GRIP1: variants seen among roughly 807,000 people sequenced by gnomAD.
GRIP1 encodes glutamate receptor-interacting protein 1.
In GRIP1, 45 loss-of-function variants were observed where a neutral mutation model predicts 129.9. The observed-to-expected ratio is 0.35, with a 90% confidence interval of 0.27 to 0.44. The LOEUF is 0.44. GRIP1 is among the 20% of genes least tolerant of loss of function. GRIP1 has a pLI of 1.00. For synonymous variants in GRIP1, 530 were observed against 520.8 expected (o/e 1.02, Z -0.24); for missense variants, 1,196 against 1,396.8 (o/e 0.86, Z 2.29).
intron 15 of GRIP1, among the ~76,000 whole-genome samples, chr12:66,407,184 T>G (rs1565707735): frequency 6.6e-6 from 1 of 152,186 alleles, no homozygotes; most frequent in African/African-American, 2.4e-5. Flanking sequence ...CCTTCCCTTC[T>G]TTTAAGTTAC....
intron 2 of GRIP1, among the ~76,000 whole-genome samples, chr12:66,589,549 T>C (rs2063777798): frequency 6.6e-6 from 1 of 152,168 alleles, no homozygotes; most frequent in East Asian, 1.9e-4. Flanking sequence ...TATTGATGGA[T>C]GCAAGATGAT....
chr12:66,863,162 C>T (rs779344346), intron 1 of GRIP1, among the ~76,000 whole-genome samples: 2 of 152,034 alleles, frequency 1.3e-5, no homozygotes, highest in Non-Finnish European at 2.9e-5. Context: ...AAATTACTTA[C>T]GATTCCCCAA....
rs1439828072 is a variant in GRIP1, at chr12:66,584,314, G to A, written c.136+12533C>T. 1.9e-3 allele frequency among the ~76,000 whole-genome samples: 287 copies of A among 151,992 alleles called. 2 individuals are homozygous for A. The highest frequency in any genetic ancestry group is 6.5e-3 in the African/African-American group (268 of 41,428). On this transcript the variant is annotated intron_variant, in intron 2 of 24. Coordinates refer to ENST00000359742, the MANE Select transcript of GRIP1 (RefSeq NM_001366722.1). ...GGAGATATACCTAATGCTAGATGAC[G>A]AGTTAGTGGGTGCAGCGCACCAGCA... is the stretch of plus-strand genomic sequence containing the variant.
At chr12:66,733,375 C>T (rs2036498829) in intron 1 of GRIP1, among the ~76,000 whole-genome samples, 1 of 152,118 alleles carries the variant, frequency 6.6e-6, no homozygotes, top group Non-Finnish European at 1.5e-5. Context: ...ATGACTAAGT[C>T]ATGGCTAATA....
chr12:66,747,833 T>G (rs1207841249), intron 1 of GRIP1, among the ~76,000 whole-genome samples: 1 of 152,008 alleles, frequency 6.6e-6, no homozygotes, highest in African/African-American at 2.4e-5. Flanking sequence ...GATCTTTAAC[T>G]CCAAAGGGAA....
At chr12:66,986,581 A>G (rs1051193681) in intron 1 of GRIP1, among the ~76,000 whole-genome samples, 1 of 150,248 alleles carries the variant, frequency 6.7e-6, no homozygotes, top group Non-Finnish European at 1.5e-5. Context: ...TGCAAGGACA[A>G]AAAACCAAAC....
upstream of GRIP1, among the ~76,000 whole-genome samples, chr12:66,682,823 A>T (rs1032718696): frequency 1.3e-5 from 2 of 152,206 alleles, no homozygotes; most frequent in Non-Finnish European, 2.9e-5. Context: ...ATATCATTAG[A>T]ATCAATTTGA....
chr12:66,768,557 G>T (rs1353786775), intron 1 of GRIP1, among the ~76,000 whole-genome samples: 1 of 152,184 alleles, frequency 6.6e-6, no homozygotes, highest in Non-Finnish European at 1.5e-5. Context: ...AGGAGTGAAG[G>T]CAGGAACAAT....
chr12:66,392,472 G>A lies in GRIP1; in HGVS notation c.2300C>T (p.Pro767Leu). 9 of 1,614,134 alleles carry A rather than the reference G, an allele frequency of 5.6e-6. No individual in the cohort carries two copies. Among genetic ancestry groups the A allele is most frequent in the Non-Finnish European group, 7.6e-6 (9 of 1,179,992 alleles). Residue 767 changes from proline to leucine, a missense_variant, in exon 19 of 25, where the codon CCT becomes CTT. Coordinates refer to ENST00000359742, the MANE Select transcript of GRIP1 (RefSeq NM_001366722.1). ...AQSASSPKKF[P>L]ISSHLSDLGD... The stretch of plus-strand genomic sequence containing the variant: ...CAGGTCACTCAAATGGCTAGAAATA[G>A]GGAACTTCTTGGGGCTCGATGCTGA...
At chr12:66,994,974 A>G (rs963031708) in intron 1 of GRIP1, among the ~76,000 whole-genome samples, 1 of 152,100 alleles carries the variant, frequency 6.6e-6, no homozygotes, top group Admixed American at 6.6e-5. Flanking sequence ...AAGACAGTGG[A>G]GTGCTGACAT....
Position 66,348,767 on chromosome 12 carries a change from C to T in GRIP1, c.*252G>A, listed in dbSNP as rs923276999. ...ATGTTAATTGTAGAGTTGTGGGGGA[C>T]GGCCTATTTTTCTCTACCGTTGGGA... is the stretch of plus-strand genomic sequence containing the variant. On this transcript the variant is annotated 3_prime_UTR_variant, in exon 25 of 25. Coordinates refer to ENST00000359742, the MANE Select transcript of GRIP1 (RefSeq NM_001366722.1). 58 of 508,130 alleles carry T rather than the reference C, an allele frequency of 1.1e-4. No individual in the cohort carries two copies. The highest frequency in any genetic ancestry group is 8.2e-4 in the African/African-American group (43 of 52,472). 31.5% of individuals were successfully genotyped at this position (508,130 alleles called of 1,614,324 possible).
At chr12:66,399,759 T>C (rs1225438449) in intron 16 of GRIP1, among the ~76,000 whole-genome samples, 1 of 151,918 alleles carries the variant, frequency 6.6e-6, no homozygotes, top group Non-Finnish European at 1.5e-5. Flanking sequence ...TGTGGCCAAA[T>C]AGGAGGCTTG....
At chr12:66,594,626 G>C (rs573394861) in intron 2 of GRIP1, among the ~76,000 whole-genome samples, 3 of 152,220 alleles carry the variant, frequency 2.0e-5, no homozygotes, top group Admixed American at 2.0e-4. Flanking sequence ...AGCTCTATAT[G>C]GTCCAGCTTA....
chr12:66,403,285 G>A (rs2057074420), intron 16 of GRIP1, among the ~76,000 whole-genome samples: 1 of 151,974 alleles, frequency 6.6e-6, no homozygotes, highest in South Asian at 2.1e-4. Flanking sequence ...CTCATCCCCC[G>A]TCTACCCTCT....
intron 1 of GRIP1, among the ~76,000 whole-genome samples, chr12:66,663,165 C>G (rs2033612544): frequency 6.6e-6 from 1 of 152,110 alleles, no homozygotes; most frequent in African/African-American, 2.4e-5. Flanking sequence ...TTCTTTATGT[C>G]ATTGTTTTAT....
chr12:66,513,794 G>T (rs1347410582), intron 7 of GRIP1, among the ~76,000 whole-genome samples: 1 of 152,140 alleles, frequency 6.6e-6, no homozygotes, highest in South Asian at 2.1e-4. Context: ...CAGAATGTGA[G>T]AGTGAGTTGC....
intron 1 of GRIP1, among the ~76,000 whole-genome samples, chr12:66,848,651 T>C (rs1232156472): frequency 3.3e-5 from 5 of 152,180 alleles, no homozygotes; most frequent in Non-Finnish European, 5.9e-5. Flanking sequence ...AAACTTTAAA[T>C]AAACAGTAAA....
chr12:66,736,052 G>A (rs909051522), intron 1 of GRIP1, among the ~76,000 whole-genome samples: 1 of 152,120 alleles, frequency 6.6e-6, no homozygotes, highest in Non-Finnish European at 1.5e-5. Context: ...CTGAGGGGTT[G>A]GGGAGGGCTG....
At chr12:66,556,838 A>G (rs934250835) in intron 2 of GRIP1, among the ~76,000 whole-genome samples, 1 of 152,110 alleles carries the variant, frequency 6.6e-6, no homozygotes, top group Non-Finnish European at 1.5e-5. Context: ...TACATAAAGT[A>G]TAAAAAGGAA....
Sources: gnomAD v4.1 joint callset for allele counts (sites outside exome capture counted in the v4.1 genomes callset) on GRCh38, gnomAD v4.1.1 for gene constraint, MANE v1.5 for transcripts, NCBI Gene and HGNC (gene_info 2026-07-23, HGNC 2026-07-21) for gene names.